RAB27A: variants seen among roughly 807,000 people sequenced by gnomAD.
RAB27A encodes ras-related protein Rab-27A.
Under a neutral mutation model 20.8 loss-of-function variants are expected in RAB27A, and 17 were observed. That is an observed-to-expected ratio of 0.82 (90% CI 0.56 to 1.23). RAB27A has a LOEUF of 1.23. Ranked by LOEUF, RAB27A falls within the 50% of genes most tolerant of loss-of-function variation. The pLI, the probability that RAB27A is intolerant of heterozygous loss-of-function variation, is 0.00. For synonymous variants in RAB27A, 85 were observed against 92.8 expected, an observed-to-expected ratio of 0.92 and a Z score of 0.48; for missense variants, 277 against 266.7, an observed-to-expected ratio of 1.04 and a Z score of -0.27.
At chr15:55,244,876 A>G (rs369065665) in intron 2 of RAB27A, among the ~76,000 whole-genome samples, 2 of 152,302 alleles carry the variant, frequency 1.3e-5, no homozygotes, top group East Asian at 1.9e-4. Context: ...TATAAACCTT[A>G]TCAGTACTTT....
intron 1 of RAB27A, chr15:55,270,610 T>C (rs1348523300): frequency 1.3e-5 from 2 of 152,324 alleles, no homozygotes; most frequent in Middle Eastern, 3.4e-3. Flanking sequence ...CAGTAGAACA[T>C]TTGTTTTCTT....
intron 2 of RAB27A, among the ~76,000 whole-genome samples, chr15:55,251,333 G>A (rs765900909): frequency 3.7e-4 from 56 of 152,112 alleles, no homozygotes; most frequent in Non-Finnish European, 5.7e-4. Context: ...CCATCATTGC[G>A]TCATTCCTGG....
At position 55,224,242 on chromosome 15, in the gene RAB27A, T is replaced by C. The variant is rs564066889; in HGVS notation, c.344-230A>G. On this transcript the variant is annotated intron_variant, in intron 5 of 6. Transcript: ENST00000336787. ...CAGTTTATTGATATCGGAGAGTTTA[T>C]AGGAGAATGTGCTACCTCTCAAGTG... Among the ~76,000 whole-genome samples the C allele has an allele frequency of 8.5e-5, 13 of 152,360 alleles. No homozygotes were observed. The South Asian group carries it at 2.5e-3, about 29-fold the overall frequency.
At chr15:55,285,105 T>C (rs11629613) in intron 1 of RAB27A, among the ~76,000 whole-genome samples, 34,884 of 152,152 alleles carry the variant, frequency 0.23, 5,649 homozygotes, top group East Asian at 0.55. Flanking sequence ...ATGTCCCAAA[T>C]AATGTATAAG....
At chr15:55,223,280 G>T (rs2140956248) in intron 6 of RAB27A, among the ~76,000 whole-genome samples, 1 of 152,134 alleles carries the variant, frequency 6.6e-6, no homozygotes, top group East Asian at 1.9e-4. Flanking sequence ...GCTGAGGCGG[G>T]TGGGTCACAA....
chr15:55,250,255 C>A (rs532977359), intron 2 of RAB27A, among the ~76,000 whole-genome samples: 1 of 152,062 alleles, frequency 6.6e-6, no homozygotes, highest in African/African-American at 2.4e-5. Flanking sequence ...TGAGCCACTG[C>A]GCCTGGACTC....
intron 2 of RAB27A, among the ~76,000 whole-genome samples, chr15:55,298,262 T>C (rs2054958098): frequency 6.7e-6 from 1 of 150,306 alleles, no homozygotes; most frequent in African/African-American, 2.5e-5. Context: ...GCCCCGATAG[T>C]CACATAGGTT....
chr15:55,299,477 C>A (rs912544220), intron 2 of RAB27A, among the ~76,000 whole-genome samples: 1 of 151,938 alleles, frequency 6.6e-6, no homozygotes, highest in Admixed American at 6.6e-5. Context: ...ACCTGTAATC[C>A]CAGCTACTCG....
chr15:55,238,520 AC>A (rs977018627), intron 2 of RAB27A: 1 of 152,122 alleles, frequency 6.6e-6, no homozygotes, highest in African/African-American at 2.4e-5. Flanking sequence ...ACTACCTCAC[AC>A]CATTATTCTG....
rs1235388328 is a variant in RAB27A, at chr15:55,202,975, C to G, written c.*2532G>C. ...TACGTTCACACACAAATTTGACAGACTAGACCACTTTTTTATTACAGCTTA... is the reference window on the plus strand; with the variant it reads ...TACGTTCACACACAAATTTGACAGAGTAGACCACTTTTTTATTACAGCTTA... On this transcript the variant is annotated 3_prime_UTR_variant, in exon 7 of 7. Coordinates refer to ENST00000336787, the MANE Select transcript of RAB27A (RefSeq NM_183235.3). 1 of 152,182 alleles carries G rather than the reference C, an allele frequency of 6.6e-6. No individual in the cohort carries two copies. Among genetic ancestry groups the G allele is most frequent in the Non-Finnish European group, 1.5e-5 (1 of 68,038 alleles). The allele number at this position is 152,182 out of a possible 1,614,324, so 9.4% of individuals were successfully genotyped here.
At chr15:55,278,927 G>GA (rs1897945912) in intron 1 of RAB27A, among the ~76,000 whole-genome samples, 1 of 152,120 alleles carries the variant, frequency 6.6e-6, no homozygotes, top group African/African-American at 2.4e-5. Flanking sequence ...CCAAACGGAT[G>GA]AAATACCATT....
intron 3 of RAB27A, among the ~76,000 whole-genome samples, chr15:55,232,320 C>T (rs12324754): frequency 0.075 from 11,475 of 152,060 alleles, 693 homozygotes; most frequent in Admixed American, 0.18. Context: ...CAAACAGCAA[C>T]GACAAAAATA....
At chr15:55,302,272 G>A (rs376777851) in intron 2 of RAB27A, among the ~76,000 whole-genome samples, 5 of 151,744 alleles carry the variant, frequency 3.3e-5, no homozygotes, top group Admixed American at 1.3e-4. Context: ...ACGGGGTTTC[G>A]CTGTGTTGGC....
intron 6 of RAB27A, among the ~76,000 whole-genome samples, chr15:55,222,951 A>G (rs921750947): frequency 6.6e-6 from 1 of 152,120 alleles, no homozygotes; most frequent in African/African-American, 2.4e-5. Flanking sequence ...TAATACTTTA[A>G]TAAGCAGCAG....
intron 4 of RAB27A, 130 bp from the exon 5 acceptor site, chr15:55,228,842 A>T (rs976867050): frequency 6.9e-6 from 5 of 719,474 alleles, no homozygotes; most frequent in African/African-American, 1.8e-5. Flanking sequence ...TTTCAAAAGT[A>T]TATAGGATAG....
intron 3 of RAB27A, 120 bp from the exon 4 acceptor site, chr15:55,230,606 G>T: frequency 1.4e-6 from 1 of 732,422 alleles, no homozygotes. Flanking sequence ...ATGCCATCTG[G>T]AATACAACCA....
intron 1 of RAB27A, among the ~76,000 whole-genome samples, chr15:55,316,748 G>C (rs1168350029): frequency 6.6e-6 from 1 of 152,050 alleles, no homozygotes; most frequent in Non-Finnish European, 1.5e-5. Flanking sequence ...TTGCTTAGTG[G>C]ATTAAAAAAC....
chr15:55,246,416 T>A (rs1432983161), intron 2 of RAB27A, among the ~76,000 whole-genome samples: 4 of 128,862 alleles, frequency 3.1e-5, no homozygotes, highest in Admixed American at 1.6e-4. Flanking sequence ...AAATGAGATA[T>A]CGGCTTTTTT....
rs148845957 is a variant in RAB27A at position 55,276,250 on chromosome 15, G to C, written c.-142-5966C>G. Among the ~76,000 whole-genome samples, 6 of 151,710 alleles carry C rather than the reference G, an allele frequency of 4.0e-5. 1 individual carries two copies. Among genetic ancestry groups the C allele is most frequent in the Non-Finnish European group, 7.4e-5 (5 of 67,938 alleles). ...GACAATGAATGAATGAAGAAAATGT[G>C]GTCTATACATACAATGAAAAAGTAT... On this transcript the variant is annotated intron_variant, in intron 1 of 6. Coordinates refer to ENST00000336787, the MANE Select transcript of RAB27A (RefSeq NM_183235.3).
Sources: gnomAD v4.1 joint callset for allele counts (sites outside exome capture counted in the v4.1 genomes callset) on GRCh38, gnomAD v4.1.1 for gene constraint, MANE v1.5 for transcripts, NCBI Gene and HGNC (gene_info 2026-07-23, HGNC 2026-07-21) for gene names.